Variants in VWF observed in about 807,000 individuals in gnomAD.
VWF encodes the protein von Willebrand factor.
In VWF, 176 loss-of-function variants were observed where a neutral mutation model predicts 308.6. The ratio of observed to expected loss-of-function variants is 0.57; its 90% CI spans 0.50 to 0.65. VWF has a LOEUF of 0.65. VWF is among the 30% of genes least tolerant of loss of function. The pLI, the probability that VWF is intolerant of heterozygous loss-of-function variation, is 0.00. For missense variants in VWF, 3,146 were observed against 3,648.2 expected, an observed-to-expected ratio of 0.86 and a Z score of 3.55; for synonymous variants, 1,385 against 1,443.4, an observed-to-expected ratio of 0.96 and a Z score of 0.92.
intron 13 of VWF, among the ~76,000 whole-genome samples, chr12:6,061,720 TA>T (rs959482165): frequency 1.3e-5 from 2 of 152,216 alleles, no homozygotes; most frequent in African/African-American, 4.8e-5. Context: ...TTGAGACCCA[TA>T]GGGGTCCCTG....
intron 6 of VWF, among the ~76,000 whole-genome samples, chr12:6,086,262 A>G (rs1382282867): frequency 6.6e-6 from 1 of 152,204 alleles, no homozygotes; most frequent in Non-Finnish European, 1.5e-5. Context: ...CTCATTCCTT[A>G]GCCTATCAAT....
rs934871754 is a variant in VWF, at chr12:6,123,006, C to T, written c.55+136G>A. The T allele has an allele frequency of 3.5e-6, 4 of 1,128,456 alleles. No homozygotes were observed. In the African/African-American group the frequency reaches 4.6e-5, roughly 13 times the overall value. The allele number at this position is 1,128,456 out of a possible 1,614,324, so 69.9% of individuals were successfully genotyped here. On this transcript the variant is annotated intron_variant, in intron 2 of 51. Coordinates refer to ENST00000261405, the MANE Select transcript of VWF (RefSeq NM_000552.5). The stretch of plus-strand genomic sequence containing the variant: ...AAGGGTGGGAACTCCGCAGAACCTT[C>T]ACAGGAGGCAACCAACAGCCTAAGT...
rs116644485 is a variant in VWF at position 5,970,934 on chromosome 12, C to T, written c.7548+665G>A. Among the ~76,000 whole-genome samples, 216 of 152,302 alleles carry T rather than the reference C, an allele frequency of 1.4e-3. 1 individual carries two copies. Among genetic ancestry groups the T allele is most frequent in the African/African-American group, 4.3e-3 (177 of 41,570 alleles). On this transcript the variant is annotated intron_variant, in intron 44 of 51. Transcript: ENST00000261405. ...GCATCTGGACTAAAACCGCCAAAGA[C>T]GGAATCCTCTGTGTTTAAGAAAATG... is the stretch of plus-strand genomic sequence containing the variant.
At position 5,954,366 on chromosome 12, in the gene VWF, G is replaced by A. The variant is rs150566446; in HGVS notation, c.7888-772C>T. On this transcript the variant is annotated intron_variant, in intron 47 of 51. Transcript: ENST00000261405. Reference sequence around the variant, plus strand: ...CAGATGATGATTATAAACAATTAACGAAATATTTAAAGCCAACTGTTCAAA... The same window carrying A: ...CAGATGATGATTATAAACAATTAACAAAATATTTAAAGCCAACTGTTCAAA... Among the ~76,000 whole-genome samples, 208 of 152,230 alleles carry A rather than the reference G, an allele frequency of 1.4e-3. 1 individual carries two copies. Among genetic ancestry groups the A allele is most frequent in the African/African-American group, 4.8e-3 (199 of 41,524 alleles).
chr12:5,970,262 C>T (rs575824072), intron 44 of VWF, among the ~76,000 whole-genome samples: 4 of 152,296 alleles, frequency 2.6e-5, no homozygotes, highest in East Asian at 3.9e-4. Flanking sequence ...CACCACCCCC[C>T]GCTGACCCCT....
intron 6 of VWF, 60 bp downstream of exon 6, chr12:6,095,400 T>A: frequency 1.9e-6 from 3 of 1,612,284 alleles, no homozygotes; most frequent in Non-Finnish European, 2.5e-6. Context: ...TGAGTCCTTC[T>A]GTCTTTTAGA....
At chr12:5,950,958 C>T (rs991159493) in intron 50 of VWF, among the ~76,000 whole-genome samples, 3 of 152,126 alleles carry the variant, frequency 2.0e-5, no homozygotes, top group African/African-American at 7.2e-5. Flanking sequence ...GATTTGGTTA[C>T]AGCAATTGCA....
Position 6,011,738 on chromosome 12 carries a change from A to T in VWF, c.5721T>A (p.Asp1907Glu), listed in dbSNP as rs552647960. ...GATGACTCTTCAGCAAGGTCTGGCCATCTGGCTGGCAAGTCACGGTGTGGC... is the reference window on the plus strand; with the variant it reads ...GATGACTCTTCAGCAAGGTCTGGCCTTCTGGCTGGCAAGTCACGGTGTGGC... Reference protein sequence around the residue: ...DQCHTVTCQPDGQTLLKSHRV... With the variant: ...DQCHTVTCQPEGQTLLKSHRV... Residue 1907 changes from aspartate (D) to glutamate (E), a missense_variant, in exon 34 of 52, where the codon GAT becomes GAA. Physicochemically the swap from Asp to Glu is conservative, Grantham distance 45. Transcript: ENST00000261405. 1 of 1,613,816 alleles carries T rather than the reference A, an allele frequency of 6.2e-7. No individual in the cohort carries two copies. Among genetic ancestry groups the T allele is most frequent in the African/African-American group, 1.3e-5 (1 of 75,012 alleles).
At position 6,025,802 on chromosome 12, in the gene VWF, C is replaced by T; in HGVS notation, c.3108+104G>A. 3 of 1,599,962 alleles carry T rather than the reference C, an allele frequency of 1.9e-6. 1 individual carries two copies. The South Asian group carries it at 3.3e-5, about 18-fold the overall frequency. Reference sequence around the variant, plus strand: ...TCCCACCCTGCAGCCACCTGGAGGTCATACCACCCACAACCCCCCTTCCAG... The same window carrying T: ...TCCCACCCTGCAGCCACCTGGAGGTTATACCACCCACAACCCCCCTTCCAG... On this transcript the variant is annotated intron_variant, in intron 23 of 51. Transcript: ENST00000261405.
At chr12:6,047,080 A>T (rs964928451) in intron 16 of VWF, among the ~76,000 whole-genome samples, 1 of 152,190 alleles carries the variant, frequency 6.6e-6, no homozygotes, top group East Asian at 1.9e-4. Flanking sequence ...GAAAAAAAAT[A>T]TTTCTCTCTC....
At chr12:6,011,236 G>T (rs1459693694) in intron 34 of VWF, among the ~76,000 whole-genome samples, 2 of 152,162 alleles carry the variant, frequency 1.3e-5, no homozygotes, top group East Asian at 1.9e-4. Context: ...TATAGGTGTG[G>T]TTGGAGAGTT....
intron 22 of VWF, among the ~76,000 whole-genome samples, chr12:6,026,996 A>G (rs1944200862): frequency 6.7e-6 from 1 of 149,788 alleles, no homozygotes; most frequent in Non-Finnish European, 1.5e-5. Flanking sequence ...ATATACTTAG[A>G]GCCCTGATGT....
At chr12:5,990,333 A>G (rs1328013669) in intron 38 of VWF, among the ~76,000 whole-genome samples, 2 of 152,214 alleles carry the variant, frequency 1.3e-5, no homozygotes, top group Admixed American at 1.3e-4. Flanking sequence ...ATTGAGCCTC[A>G]GTCTCATCCA....
intron 2 of VWF, 159 bp downstream of exon 2, chr12:6,122,983 G>T: frequency 1.1e-6 from 1 of 875,874 alleles, no homozygotes; most frequent in Non-Finnish European, 1.9e-6. Flanking sequence ...TACAAGTCAA[G>T]GGTGGGAACT....
chr12:5,950,027 T>C (rs1369459719), intron 50 of VWF, 144 bp from the exon 51 acceptor site: 4 of 734,386 alleles, frequency 5.4e-6, no homozygotes, highest in African/African-American at 1.7e-5. Context: ...AATTCAGTTA[T>C]CCTGGTTCAC....
Position 5,994,066 on chromosome 12 carries a change from G to A in VWF, c.6394C>T (p.Leu2132Phe). 2 of 1,614,168 alleles carry A rather than the reference G, an allele frequency of 1.2e-6. No individual in the cohort carries two copies. Among genetic ancestry groups the A allele is most frequent in the Admixed American group, 1.7e-5 (1 of 60,022 alleles). ...TGGCAGTGGGAGCTGTCGGGGACAA[G>A]ACACTGCTCCTCCAGGATGGGCTGG... ...TCQPILEEQC[L>F]VPDSSHCQVL... Residue 2132 changes from leucine to phenylalanine, a missense_variant, in exon 37 of 52, where the codon CTT (leucine) becomes TTT (phenylalanine). By Grantham distance (22) the Leu-to-Phe change is conservative. Around this residue, in one of 3 missense-constraint regions of VWF, gnomAD observed 989 missense variants for 1,117.4 expected, o/e 0.89. Coordinates refer to ENST00000261405, the MANE Select transcript of VWF (RefSeq NM_000552.5).
At chr12:6,095,293 C>T (rs1945093342) in intron 6 of VWF, 167 bp downstream of exon 6, 4 of 1,080,426 alleles carry the variant, frequency 3.7e-6, no homozygotes, top group Admixed American at 1.7e-5. Flanking sequence ...GAGCTTCAGG[C>T]TCGAGATGTA....
At chr12:6,068,778 C>T (rs1379069084) in intron 10 of VWF, among the ~76,000 whole-genome samples, 5 of 151,250 alleles carry the variant, frequency 3.3e-5, no homozygotes, top group Non-Finnish European at 7.4e-5. Flanking sequence ...CATGAGCTGC[C>T]GCGCCTGGCC....
chr12:6,090,547 C>T (rs1341654952), intron 6 of VWF, among the ~76,000 whole-genome samples: 1 of 152,148 alleles, frequency 6.6e-6, no homozygotes, highest in African/African-American at 2.4e-5. Flanking sequence ...AAGGCAGGGG[C>T]ACTCCAGCGG....
Sources: allele counts gnomAD v4.1 joint callset (sites outside exome capture counted in the v4.1 genomes callset), GRCh38; gene constraint gnomAD v4.1.1; regional missense constraint gnomAD v4.1.1; transcripts MANE v1.5; gene names NCBI Gene and HGNC (gene_info 2026-07-23, HGNC 2026-07-21).